Variants in HOMER3 observed in about 807,000 individuals in gnomAD.
HOMER3 encodes the protein homer protein homolog 3.
In HOMER3, 34 loss-of-function variants were observed where a neutral mutation model predicts 45.5. The ratio of observed to expected loss-of-function variants is 0.75; its 90% confidence interval spans 0.57 to 1.00. The LOEUF (loss-of-function observed/expected upper bound fraction) is 1.00, where lower values mean the gene tolerates loss of function less well. HOMER3 is among the 50% of genes least tolerant of loss of function. HOMER3 has a pLI of 0.00. For synonymous variants in HOMER3, 223 were observed against 208.8 expected (o/e 1.07, Z -0.58); for missense variants, 480 against 497.5 (o/e 0.96, Z 0.33).
chr19:18,932,622 G>A (rs899798633), intron 6 of HOMER3, among the ~76,000 whole-genome samples: 10 of 152,200 alleles, frequency 6.6e-5, no homozygotes, highest in African/African-American at 2.4e-4. Flanking sequence ...GGGAGGTTGG[G>A]GAGAGTCAGC....
chr19:18,929,296 GGCCCACCCCAGCCCA>G lies in HOMER3; in HGVS notation c.*132_*146del. 1 of 878,126 alleles carries G rather than the reference GGCCCACCCCAGCCCA, an allele frequency of 1.1e-6. No homozygotes were observed. Among genetic ancestry groups the G allele is most frequent in the Non-Finnish European group, 1.9e-6 (1 of 522,062 alleles). The allele number at this position is 878,126 out of a possible 1,614,324, so 54.4% of individuals were successfully genotyped here. ...GCTGCCAACAACCAGAGCCGACTGG[GGCCCACCCCAGCCCA>G]GCCCGGCCCGGCCCACCCAGGGCTA... On this transcript the variant is annotated 3_prime_UTR_variant, in exon 10 of 10. Transcript: ENST00000392351.
rs765708908 is a variant in HOMER3, at chr19:18,929,277, A to G, written c.*166T>C. 1.3e-6 allele frequency: 1 copy of G among 795,188 alleles called. No individual in the cohort carries two copies. The highest frequency in any genetic ancestry group is 1.3e-5 in the South Asian group (1 of 74,358). The allele number at this position is 795,188 out of a possible 1,614,324, so 49.3% of individuals were successfully genotyped here. A position where few individuals can be genotyped will look rare whatever the true frequency, so the allele number is the denominator to read the frequency against. On this transcript the variant is annotated 3_prime_UTR_variant, in exon 10 of 10. Transcript: ENST00000392351. Reference sequence around the variant, plus strand: ...GCTCAAAAACAGCCCCAAAGCTGCCAACAACCAGAGCCGACTGGGGCCCAC... The same window carrying G: ...GCTCAAAAACAGCCCCAAAGCTGCCGACAACCAGAGCCGACTGGGGCCCAC...
chr19:18,932,152 G>A lies in HOMER3; in HGVS notation c.534-20C>T. The A allele has an allele frequency of 1.3e-6, 2 of 1,526,244 alleles. No individual in the cohort carries two copies. Among genetic ancestry groups the A allele is most frequent in the Non-Finnish European group, 1.8e-6 (2 of 1,133,222 alleles). 94.5% of individuals were successfully genotyped at this position (1,526,244 alleles called of 1,614,324 possible). Reference sequence around the variant, plus strand: ...ACGGAGCTGCAGAGACACGAGGGTCGGCAGTGGGTGACACGGGGCTGGGGG... The same window carrying A: ...ACGGAGCTGCAGAGACACGAGGGTCAGCAGTGGGTGACACGGGGCTGGGGG... On this transcript the variant is annotated intron_variant, in intron 6 of 9. Transcript: ENST00000392351.
chr19:18,932,831 G>T, intron 6 of HOMER3, 93 bp downstream of exon 6: 2 of 1,012,954 alleles, frequency 2.0e-6, no homozygotes, highest in Non-Finnish European at 2.7e-6. Flanking sequence ...GTTAGATCCC[G>T]CCGTCCTGGC....
Position 18,929,401 on chromosome 19 carries a change from C to T in HOMER3, c.*42G>A, listed in dbSNP as rs377159107. 622 of 1,570,948 alleles carry T rather than the reference C, an allele frequency of 4.0e-4. No individual in the cohort carries two copies. The highest frequency in any genetic ancestry group is 5.1e-4 in the Non-Finnish European group (595 of 1,156,560). ...CAACTATGCCGCCTGCAGCCTGGCC[C>T]GCATCCCAGGCCGGAATCGTTCATA... On this transcript the variant is annotated 3_prime_UTR_variant, in exon 10 of 10. Coordinates refer to ENST00000392351, the MANE Select transcript of HOMER3 (RefSeq NM_004838.4).
chr19:18,932,873 T>TCC, intron 6 of HOMER3, 51 bp downstream of exon 6: 3 of 877,172 alleles, frequency 3.4e-6, no homozygotes, highest in Non-Finnish European at 4.8e-6. Context: ...CGCCTCCTCG[T>TCC]CCCCCACCCC....
intron 6 of HOMER3, 39 bp downstream of exon 6, chr19:18,932,885 A>AAACCCCC: frequency 1.5e-6 from 1 of 687,536 alleles, no homozygotes. Context: ...CCCCACCCCT[A>AAACCCCC]CCCCCGCCCC....
intron 5 of HOMER3, 77 bp from the exon 6 acceptor site, chr19:18,933,122 C>A (rs1402771232): frequency 4.3e-6 from 6 of 1,397,782 alleles, no homozygotes; most frequent in African/African-American, 1.5e-5. Context: ...GTCGTCACAT[C>A]GGGGGTGCAA....
chr19:18,938,201 A>G (rs2057114976), intron 4 of HOMER3, 152 bp downstream of exon 4: 1 of 773,890 alleles, frequency 1.3e-6, no homozygotes, highest in Admixed American at 2.9e-5. Flanking sequence ...CAAACCGGGG[A>G]AGCTTAAAGG....
intron 9 of HOMER3, among the ~76,000 whole-genome samples, chr19:18,930,036 G>A (rs2057013690): frequency 6.6e-6 from 1 of 151,694 alleles, no homozygotes; most frequent in Admixed American, 6.6e-5. Context: ...GATCCCCTGA[G>A]GTCAGGAGTT....
chr19:18,940,453 G>A (rs886955433), intron 1 of HOMER3: 2 of 152,318 alleles, frequency 1.3e-5, no homozygotes, highest in African/African-American at 4.8e-5. Context: ...GCGGGGGACG[G>A]GGGGGTTAAT....
At chr19:18,932,257 G>C (rs957918701) in intron 6 of HOMER3, 125 bp from the exon 7 acceptor site, 2 of 1,027,342 alleles carry the variant, frequency 1.9e-6, no homozygotes, top group African/African-American at 3.4e-5. Context: ...GAAGGCTGGC[G>C]AGGGTGCGGA....
rs1180795147 is a variant in HOMER3 at position 18,938,422 on chromosome 19, C to T, written c.234G>A (p.Gly78=). Reference sequence around the variant, plus strand: ...TGTTGGCGCGACTGTCGGCCCACTGCCCGAACTTCTGGGAAGTTTTGGTGA... The same window carrying T: ...TGTTGGCGCGACTGTCGGCCCACTGTCCGAACTTCTGGGAAGTTTTGGTGA... ...MTFTKTSQKF[G]QWADSRANTV... The change falls in exon 4 of 10, where the codon GGG becomes GGA. Residue 78 remains glycine (G), a synonymous_variant. Coordinates refer to ENST00000392351, the MANE Select transcript of HOMER3 (RefSeq NM_004838.4). 2 of 1,613,974 alleles carry T rather than the reference C, an allele frequency of 1.2e-6. No homozygotes were observed. The highest frequency in any genetic ancestry group is 1.7e-6 in the Non-Finnish European group (2 of 1,179,988).
rs139040912 is a variant in HOMER3, at chr19:18,938,810, G to T, written c.89C>A (p.Ala30Glu). 1 of 1,599,958 alleles carries T rather than the reference G, an allele frequency of 6.3e-7. No individual in the cohort carries two copies. Among genetic ancestry groups the T allele is most frequent in the Non-Finnish European group, 8.5e-7 (1 of 1,173,470 alleles). Residue 30 changes from alanine to glutamate, a missense_variant, in exon 3 of 10, where the codon GCG becomes GAG. Coordinates refer to ENST00000392351, the MANE Select transcript of HOMER3 (RefSeq NM_004838.4). ...DPATKRNWIP[A>E]GKHALTVSYF... ...GGAGACAGTGAGTGCGTGCTTGCCC[G>T]CTGGGATCCAGTTTCGCTTGGTGGC...
chr19:18,935,741 C>T (rs1201739825), intron 4 of HOMER3, among the ~76,000 whole-genome samples: 4 of 152,106 alleles, frequency 2.6e-5, no homozygotes, highest in Admixed American at 1.3e-4. Context: ...TTTTTTAGGC[C>T]GGGTGCGGTG....
At chr19:18,938,642 C>A in intron 3 of HOMER3, 86 bp downstream of exon 3, 2 of 1,521,992 alleles carry the variant, frequency 1.3e-6, no homozygotes, top group East Asian at 4.7e-5. Context: ...TTTCCTGTCC[C>A]TTGGGCACAC....
intron 6 of HOMER3, 33 bp downstream of exon 6, chr19:18,932,881 CCCTACCCCCG>C: frequency 2.6e-6 from 2 of 763,836 alleles, no homozygotes; most frequent in Non-Finnish European, 3.9e-6. Context: ...CGTCCCCCAC[CCCTACCCCCG>C]CCCCTGCCAC....
intron 5 of HOMER3, among the ~76,000 whole-genome samples, chr19:18,933,532 G>A (rs59473364): frequency 6.6e-6 from 1 of 152,162 alleles, no homozygotes; most frequent in Non-Finnish European, 1.5e-5. Flanking sequence ...CAGCGCCACC[G>A]CAGCCCAGTG....
At chr19:18,932,868 C>T in intron 6 of HOMER3, 56 bp downstream of exon 6, 2 of 1,248,860 alleles carry the variant, frequency 1.6e-6, no homozygotes, top group Non-Finnish European at 2.1e-6. Flanking sequence ...AGAACCGCCT[C>T]CTCGTCCCCC....
Sources: allele counts gnomAD v4.1 joint callset (sites outside exome capture counted in the v4.1 genomes callset), GRCh38; gene constraint gnomAD v4.1.1; transcripts MANE v1.5; gene names NCBI Gene and HGNC (gene_info 2026-07-23, HGNC 2026-07-21).